The following ANKRD44 variants were observed in gnomAD, a reference collection of about 807,000 sequenced individuals.
ANKRD44 encodes the protein ankyrin repeat domain 44, also known as serine/threonine-protein phosphatase 6 regulatory ankyrin repeat subunit B.
In ANKRD44, 35 loss-of-function variants were observed where a neutral mutation model predicts 116.0. The observed-to-expected ratio is 0.30, with a 90% CI of 0.23 to 0.40. The LOEUF is 0.40. ANKRD44 is among the 10% of genes least tolerant of loss of function. The probability of loss-of-function intolerance (pLI) is 1.00; values close to 1 mark genes in which losing one functional copy is unlikely to be tolerated. For missense variants in ANKRD44, 1,014 were observed against 1,242.6 expected, an observed-to-expected ratio of 0.82 and a Z score of 2.77; for synonymous variants, 435 against 461.8, an observed-to-expected ratio of 0.94 and a Z score of 0.74.
chr2:197,120,859 A>G (rs994537172), intron 8 of ANKRD44, among the ~76,000 whole-genome samples: 1 of 152,100 alleles, frequency 6.6e-6, no homozygotes, highest in Admixed American at 6.5e-5. Flanking sequence ...CACTAAGCTA[A>G]CAAGAACACA....
chr2:197,075,460 G>C (rs890807170), intron 16 of ANKRD44, among the ~76,000 whole-genome samples: 2 of 152,084 alleles, frequency 1.3e-5, no homozygotes, highest in African/African-American at 4.8e-5. Context: ...GATATTTTGA[G>C]CCCAATTGAA....
chr2:197,298,191 G>T (rs959766223), intron 1 of ANKRD44, among the ~76,000 whole-genome samples: 4 of 152,192 alleles, frequency 2.6e-5, no homozygotes, highest in African/African-American at 9.7e-5. Context: ...ACTGTTTGCT[G>T]CCTTTAAGAA....
At chr2:197,013,368 T>C in intron 18 of ANKRD44, 143 bp downstream of exon 18, 2 of 920,018 alleles carry the variant, frequency 2.2e-6, no homozygotes, top group South Asian at 3.3e-5. Context: ...GCCAAAAGCA[T>C]TTTGGAAGTG....
intron 16 of ANKRD44, 55 bp from the exon 17 acceptor site, chr2:197,025,322 G>C: frequency 6.8e-7 from 1 of 1,461,790 alleles, no homozygotes. Context: ...GCAAAATGTT[G>C]GTGTAAATGA....
At chr2:197,041,624 T>C (rs2076913566) in intron 16 of ANKRD44, among the ~76,000 whole-genome samples, 1 of 152,188 alleles carries the variant, frequency 6.6e-6, no homozygotes, top group Non-Finnish European at 1.5e-5. Context: ...CACACTTCAG[T>C]AGGAATTCAC....
In ANKRD44 at chr2:197,089,934, T is replaced by A. The variant is rs1362393860; in HGVS notation, c.1183+16A>T. 1.9e-6 allele frequency: 3 copies of A among 1,611,200 alleles called. No individual in the cohort carries two copies. The highest frequency in any genetic ancestry group is 2.5e-6 in the Non-Finnish European group (3 of 1,177,452). ...AGGACACATTAAGCCTCATCTCTGC[T>A]AACAGATTTACTTACCCGATGATAA... On this transcript the variant is annotated intron_variant, in intron 11 of 27. Transcript: ENST00000282272.
At chr2:197,134,923 A>G (rs948521826) in intron 4 of ANKRD44, 1 of 152,196 alleles carries the variant, frequency 6.6e-6, no homozygotes, top group African/African-American at 2.4e-5. Flanking sequence ...ATACCCACTC[A>G]GTCAGCTCAC....
At chr2:197,238,193 G>C (rs2082015544) in intron 1 of ANKRD44, among the ~76,000 whole-genome samples, 1 of 152,178 alleles carries the variant, frequency 6.6e-6, no homozygotes, top group South Asian at 2.1e-4. Context: ...ACTGTAAGCT[G>C]TGTCAAGACA....
chr2:197,163,622 T>C (rs2080024024), intron 2 of ANKRD44, among the ~76,000 whole-genome samples: 2 of 152,182 alleles, frequency 1.3e-5, no homozygotes, highest in Admixed American at 1.3e-4. Context: ...TGGTGATCTT[T>C]AACAGGCCAG....
At chr2:197,039,331 G>A (rs1324781467) in intron 16 of ANKRD44, among the ~76,000 whole-genome samples, 1 of 152,162 alleles carries the variant, frequency 6.6e-6, no homozygotes, top group African/African-American at 2.4e-5. Context: ...TGAATGCCCT[G>A]GCTGCTGATG....
At chr2:197,109,936 C>G (rs1196775373) in intron 9 of ANKRD44, among the ~76,000 whole-genome samples, 1 of 151,814 alleles carries the variant, frequency 6.6e-6, no homozygotes, top group Non-Finnish European at 1.5e-5. Context: ...CAGAAAGTTA[C>G]TATATTACTG....
At chr2:197,140,496 T>C (rs1342709585) in intron 3 of ANKRD44, among the ~76,000 whole-genome samples, 2 of 152,100 alleles carry the variant, frequency 1.3e-5, no homozygotes, top group Non-Finnish European at 2.9e-5. Context: ...TTTTTAAAAA[T>C]TTTTTGTAGA....
At chr2:197,000,389 G>GA (rs764055220) in intron 23 of ANKRD44, 30 bp downstream of exon 23, 2 of 1,573,992 alleles carry the variant, frequency 1.3e-6, no homozygotes, top group Admixed American at 1.7e-5. Flanking sequence ...GATTCATCAA[G>GA]AAAAAAGCAT....
exon 22 of ANKRD44, chr2:196,967,054 C>T (rs1407683716): frequency 1.3e-5 from 2 of 153,290 alleles, no homozygotes; most frequent in African/African-American, 2.4e-5. Flanking sequence ...AAAGGCTTTA[C>T]TTGGGGCGTT....
chr2:197,051,383 C>T (rs2077104237), intron 16 of ANKRD44, among the ~76,000 whole-genome samples: 1 of 152,032 alleles, frequency 6.6e-6, no homozygotes, highest in Non-Finnish European at 1.5e-5. Flanking sequence ...AATCAGAATA[C>T]ATCTTCATTT....
chr2:196,999,291 AGT>A (rs2076071131), intron 23 of ANKRD44, among the ~76,000 whole-genome samples: 1 of 152,182 alleles, frequency 6.6e-6, no homozygotes, highest in East Asian at 1.9e-4. Context: ...TAATGAAATT[AGT>A]GTCTTTACTG....
At chr2:197,107,713 A>C (rs1236612935) in intron 9 of ANKRD44, among the ~76,000 whole-genome samples, 1 of 152,212 alleles carries the variant, frequency 6.6e-6, no homozygotes, top group East Asian at 1.9e-4. Context: ...CAGGGAGCCA[A>C]ATGCTGTGCC....
At chr2:197,153,603 T>C (rs2079721032) in intron 2 of ANKRD44, among the ~76,000 whole-genome samples, 2 of 152,174 alleles carry the variant, frequency 1.3e-5, no homozygotes, top group Non-Finnish European at 2.9e-5. Context: ...ATGCCATGCT[T>C]CTTTTGAAAT....
chr2:197,014,749 A>C (rs1461719275), intron 17 of ANKRD44, among the ~76,000 whole-genome samples: 1 of 151,650 alleles, frequency 6.6e-6, no homozygotes, highest in African/African-American at 2.4e-5. Context: ...ACGACTCTGC[A>C]CTCCAGCTTG....
Sources: gnomAD v4.1 joint callset for allele counts (sites outside exome capture counted in the v4.1 genomes callset) on GRCh38, gnomAD v4.1.1 for gene constraint, MANE v1.5 for transcripts, NCBI Gene and HGNC (gene_info 2026-07-23, HGNC 2026-07-21) for gene names.